The following PRDM16 variants were observed in gnomAD, a reference collection of about 807,000 sequenced individuals.
PRDM16 encodes PR/SET domain 16.
In PRDM16, 23 loss-of-function variants were observed where a neutral mutation model predicts 110.6. That is an observed-to-expected ratio of 0.21 (90% CI 0.15 to 0.29). The LOEUF (loss-of-function observed/expected upper bound fraction) is 0.29. Ranked by LOEUF, PRDM16 falls within the 10% of genes least tolerant of loss-of-function variation. The pLI is 1.00. For missense variants in PRDM16, 1,615 were observed against 1,794.3 expected (o/e 0.90, Z 1.81); for synonymous variants, 799 against 781.8 (o/e 1.02, Z -0.37).
intron 5 of PRDM16, among the ~76,000 whole-genome samples, chr1:3,401,086 C>T (rs879591666): frequency 7.2e-5 from 11 of 152,156 alleles, no homozygotes; most frequent in Admixed American, 5.9e-4. Context: ...TCTGAGGACC[C>T]GCCAGGGGTG....
rs1033393565 is a variant in PRDM16, at chr1:3,209,578, G to A, written c.387+23104G>A. 1.6e-4 allele frequency among the ~76,000 whole-genome samples: 25 copies of A among 152,214 alleles called. No individual in the cohort carries two copies. The highest frequency in any genetic ancestry group is 5.3e-4 in the African/African-American group (22 of 41,438). ...CAAAGGAAGCTCCCTGTGGGTGCGC[G>A]TGGAAGCTGAGCGCCTCAGTGGAAT... On this transcript the variant is annotated intron_variant, in intron 2 of 16. Transcript: ENST00000270722. This position sits in a 1 kb window ranked among gnomAD's most constrained non-coding sequence, Gnocchi z 4.6.
chr1:3,159,581 C>T (rs149108833), intron 1 of PRDM16, among the ~76,000 whole-genome samples: 1 of 152,344 alleles, frequency 6.6e-6, no homozygotes, highest in East Asian at 1.9e-4. Flanking sequence ...CTCATCTCCA[C>T]ATGCAGTCCC....
In PRDM16 at chr1:3,212,696, T is replaced by TCATCCTACCGGCCCCCTCG. The variant is rs1330008564; in HGVS notation, c.387+26223_387+26224insATCCTACCGGCCCCCTCGC. ...TCCCGGCCCCCTCGCTGCGGTCCTC[T>TCATCCTACCGGCCCCCTCG]CTGCCACTGTGGATGGGCTTCACAC... On this transcript the variant is annotated intron_variant, in intron 2 of 16. Transcript: ENST00000270722. 5.7e-4 allele frequency among the ~76,000 whole-genome samples: 42 copies of TCATCCTACCGGCCCCCTCG among 74,096 alleles called. No homozygotes were observed. In the African/African-American group the frequency reaches 6.6e-3, roughly 12 times the overall value. The allele number at this position is 74,096 out of a possible 152,430, so 48.6% of individuals were successfully genotyped here. A position where few individuals can be genotyped will look rare whatever the true frequency, so the allele number is the denominator to read the frequency against.
chr1:3,203,173 C>T (rs1638673251), intron 2 of PRDM16, among the ~76,000 whole-genome samples: 1 of 152,186 alleles, frequency 6.6e-6, no homozygotes, highest in Admixed American at 6.5e-5. Flanking sequence ...TCGTCTGTTG[C>T]TTTGCTGATT....
rs958122959 is a variant in PRDM16, at chr1:3,434,979, G to A, written c.*1168G>A. The A allele has an allele frequency of 1.7e-5, 4 of 228,634 alleles. No homozygotes were observed. The highest frequency in any genetic ancestry group is 6.2e-5 in the East Asian group (1 of 16,084). 14.2% of individuals were successfully genotyped at this position (228,634 alleles called of 1,614,324 possible). On this transcript the variant is annotated 3_prime_UTR_variant, in exon 17 of 17. Transcript: ENST00000270722. ...AAGCCGCACCTGTGCCTGAGACTCC[G>A]GATGGACGACACAGTCGTCACGTCG...
intron 1 of PRDM16, among the ~76,000 whole-genome samples, chr1:3,138,450 G>A (rs1643482891): frequency 6.6e-6 from 1 of 152,232 alleles, no homozygotes; most frequent in Non-Finnish European, 1.5e-5. Flanking sequence ...AGCCGGCGTT[G>A]GGGTCTCCGT....
At chr1:3,087,905 G>A (rs1248813403) in intron 1 of PRDM16, among the ~76,000 whole-genome samples, 1 of 152,042 alleles carries the variant, frequency 6.6e-6, no homozygotes. Context: ...TCCTGTTTGT[G>A]GTTGAGCAAA....
At chr1:3,383,783 G>A (rs372218998) in intron 3 of PRDM16, among the ~76,000 whole-genome samples, 2 of 152,142 alleles carry the variant, frequency 1.3e-5, no homozygotes, top group Admixed American at 6.5e-5. Flanking sequence ...CTGGGTCCTT[G>A]TGACTCCCTT....
At position 3,425,725 on chromosome 1, in the gene PRDM16, G is replaced by GAAGCAC; in HGVS notation, c.3085_3090dup (p.Lys1029_His1030dup). 1.2e-6 allele frequency: 2 copies of GAAGCAC among 1,613,780 alleles called. No individual in the cohort carries two copies. The highest frequency in any genetic ancestry group is 2.2e-5 in the East Asian group (1 of 44,868). On this transcript the variant is annotated inframe_insertion, in exon 13 of 17. Coordinates refer to ENST00000270722, the MANE Select transcript of PRDM16 (RefSeq NM_022114.4). The surrounding 1 kb of genome is among the most constrained non-coding windows in gnomAD (Gnocchi z 6.9). Reference sequence around the variant, plus strand: ...AGACCAACCTGGACCGGCACCTCAAGAAGCACGAGCACGAGAACGCACCAG... The same window carrying GAAGCAC: ...AGACCAACCTGGACCGGCACCTCAAGAAGCACAAGCACGAGCACGAGAACGCACCAG...
At chr1:3,345,999 G>A (rs1642355138) in intron 3 of PRDM16, among the ~76,000 whole-genome samples, 1 of 152,264 alleles carries the variant, frequency 6.6e-6, no homozygotes, top group Non-Finnish European at 1.5e-5. Context: ...CGGAGGGGCT[G>A]CCTGTGAGCG....
chr1:3,322,157 C>CTGTGTG (rs371089810), intron 3 of PRDM16, among the ~76,000 whole-genome samples: 12 of 149,210 alleles, frequency 8.0e-5, no homozygotes, highest in African/African-American at 2.7e-4. Context: ...TGTGAGTGCA[C>CTGTGTG]TGTGTGTGTG....
chr1:3,105,363 G>A (rs1414918280), intron 1 of PRDM16, among the ~76,000 whole-genome samples: 1 of 152,222 alleles, frequency 6.6e-6, no homozygotes, highest in Admixed American at 6.5e-5. Context: ...CACCCTGTGG[G>A]TCCAGAGATG....
rs375453690 is a variant in PRDM16 at position 3,412,310 on chromosome 1, G to A, written c.2113G>A (p.Gly705Ser). The change falls in exon 9 of 17, where the codon GGC (glycine) becomes AGC (serine). Residue 705 changes from glycine to serine, a missense_variant. Gly to Ser is a moderately conservative substitution (Grantham distance 56). Transcript: ENST00000270722. ...CGCATCCATTGCCGAGAAGTACTTT[G>A]GCCCCGGCTTCATGGGGATGCAGGA... ...AIASIAEKYF[G>S]PGFMGMQEKK... is the part of the protein sequence containing the mutation. 1 of 1,613,662 alleles carries A rather than the reference G, an allele frequency of 6.2e-7. No homozygotes were observed. Among genetic ancestry groups the A allele is most frequent in the African/African-American group, 1.3e-5 (1 of 74,924 alleles).
intron 3 of PRDM16, among the ~76,000 whole-genome samples, chr1:3,305,232 T>G (rs1256773634): frequency 6.6e-6 from 1 of 151,816 alleles, no homozygotes; most frequent in East Asian, 1.9e-4. Context: ...CCAGAAGAGG[T>G]TCCCACAGAC....
chr1:3,345,495 G>A (rs879836327), intron 3 of PRDM16, among the ~76,000 whole-genome samples: 23 of 152,096 alleles, frequency 1.5e-4, no homozygotes, highest in Non-Finnish European at 2.8e-4. Context: ...TGGCTAGCAC[G>A]GCAGCATCCA....
At chr1:3,072,885 C>T (rs1032509159) in intron 1 of PRDM16, among the ~76,000 whole-genome samples, 16 of 152,268 alleles carry the variant, frequency 1.1e-4, no homozygotes, top group African/African-American at 3.1e-4. Context: ...CACAGGCCCC[C>T]TCCCTCAGCC....
Position 3,069,207 on chromosome 1 carries a change from T to A in PRDM16, c.-53T>A. On this transcript the variant is annotated 5_prime_UTR_variant, in exon 1 of 17. Coordinates refer to ENST00000270722, the MANE Select transcript of PRDM16 (RefSeq NM_022114.4). The surrounding 1 kb of genome is among the most constrained non-coding windows in gnomAD (Gnocchi z 6.1). ...CAATGCTGGGGAGATGAAGATAGTGTGTGGCTGCTTCTGGACTCAAGGAGG... is the reference window on the plus strand; with the variant it reads ...CAATGCTGGGGAGATGAAGATAGTGAGTGGCTGCTTCTGGACTCAAGGAGG... The A allele has an allele frequency of 6.6e-7, 1 of 1,522,852 alleles. No homozygotes were observed. The highest frequency in any genetic ancestry group is 9.0e-7 in the Non-Finnish European group (1 of 1,112,718). 94.3% of individuals were successfully genotyped at this position (1,522,852 alleles called of 1,614,324 possible).
chr1:3,296,922 C>T (rs1313924450), intron 3 of PRDM16, among the ~76,000 whole-genome samples: 13 of 152,210 alleles, frequency 8.5e-5, no homozygotes, highest in African/African-American at 1.9e-4. Context: ...CCCACCTTAA[C>T]GCGCTCAGAC....
At chr1:3,405,690 C>T (rs1392083109) in intron 8 of PRDM16, 42 bp downstream of exon 8, 15 of 1,512,284 alleles carry the variant, frequency 9.9e-6, no homozygotes, top group Admixed American at 2.1e-5. Flanking sequence ...TCCGGGTGCG[C>T]GGATGCCGTG....
Sources: allele counts gnomAD v4.1 joint callset (sites outside exome capture counted in the v4.1 genomes callset), GRCh38; gene constraint gnomAD v4.1.1; non-coding constraint Gnocchi (gnomAD v3.1); transcripts MANE v1.5; gene names NCBI Gene and HGNC (gene_info 2026-07-23, HGNC 2026-07-21).